ABLIM1: variants seen among roughly 807,000 people sequenced by gnomAD.
The protein encoded by ABLIM1 is actin-binding LIM protein 1.
A neutral mutation model predicts 107.0 loss-of-function variants in ABLIM1; 40 were observed. That is an observed-to-expected ratio of 0.37 (90% CI 0.29 to 0.49). ABLIM1 has a LOEUF of 0.49. Ranked by LOEUF, ABLIM1 falls within the 20% of genes least tolerant of loss-of-function variation. The pLI, the probability that ABLIM1 is intolerant of heterozygous loss-of-function variation, is 0.97. For missense variants in ABLIM1, 857 were observed against 1,008.5 expected, an observed-to-expected ratio of 0.85 and a Z score of 2.04; for synonymous variants, 357 against 357.3, an observed-to-expected ratio of 1.00 and a Z score of 0.01.
At chr10:114,582,190 C>CA (rs2073467186) in intron 2 of ABLIM1, among the ~76,000 whole-genome samples, 1 of 152,010 alleles carries the variant, frequency 6.6e-6, no homozygotes, top group African/African-American at 2.4e-5. Flanking sequence ...AATAAATATA[C>CA]AAAAACCAGT....
chr10:114,548,670 G>A (rs189893484), intron 4 of ABLIM1, among the ~76,000 whole-genome samples: 1 of 152,132 alleles, frequency 6.6e-6, no homozygotes, highest in Admixed American at 6.5e-5. Context: ...AGGGAAGTTG[G>A]GTATTAAAAA....
At chr10:114,457,114 G>A (rs113791285) in intron 12 of ABLIM1, among the ~76,000 whole-genome samples, 282 of 152,214 alleles carry the variant, frequency 1.9e-3, no homozygotes, top group African/African-American at 6.4e-3. Context: ...CGGGGAATAA[G>A]TTCTTGGAAT....
chr10:114,479,190 A>G (rs1290507084), intron 8 of ABLIM1, among the ~76,000 whole-genome samples: 2 of 152,222 alleles, frequency 1.3e-5, no homozygotes, highest in South Asian at 4.1e-4. Context: ...GAGGATGCAT[A>G]TAAAGCTCCA....
intron 1 of ABLIM1, among the ~76,000 whole-genome samples, chr10:114,615,400 G>C (rs2077069484): frequency 6.6e-6 from 1 of 152,062 alleles, no homozygotes; most frequent in Non-Finnish European, 1.5e-5. Flanking sequence ...ACACCCTCAA[G>C]CTTCTAGGTC....
At chr10:114,473,270 A>G (rs1219503231) in intron 9 of ABLIM1, 138 bp from the exon 10 acceptor site, 6 of 783,210 alleles carry the variant, frequency 7.7e-6, no homozygotes, top group Non-Finnish European at 1.2e-5. Flanking sequence ...TAACACAGTT[A>G]TACTCTTCAG....
intron 4 of ABLIM1, among the ~76,000 whole-genome samples, chr10:114,554,657 T>C (rs1196896268): frequency 2.6e-5 from 4 of 152,138 alleles, no homozygotes; most frequent in African/African-American, 9.7e-5. Context: ...AATCACGCTA[T>C]TGCACTTCAG....
intron 1 of ABLIM1, among the ~76,000 whole-genome samples, chr10:114,732,184 T>TC (rs200382208): frequency 1.6e-5 from 2 of 124,334 alleles, no homozygotes; most frequent in African/African-American, 7.2e-5. Context: ...TCTTTTCTTT[T>TC]TTTTTTTTTT....
chr10:114,530,433 A>T (rs971426981), intron 6 of ABLIM1, among the ~76,000 whole-genome samples: 1 of 152,234 alleles, frequency 6.6e-6, no homozygotes, highest in African/African-American at 2.4e-5. Context: ...AGGAGTTTAT[A>T]CTTAAACAGA....
At chr10:114,510,854 G>A (rs1275983009) in intron 6 of ABLIM1, among the ~76,000 whole-genome samples, 1 of 151,842 alleles carries the variant, frequency 6.6e-6, no homozygotes, top group Non-Finnish European at 1.5e-5. Flanking sequence ...GTTTCACCAT[G>A]TTGCCCAGGC....
At chr10:114,632,040 C>T in intron 1 of ABLIM1, 5 of 1,266,808 alleles carry the variant, frequency 3.9e-6, no homozygotes, top group Non-Finnish European at 5.1e-6. Flanking sequence ...CCCCGGCATC[C>T]GCTTGTGAGG....
chr10:114,799,464 G>A, the ABLIM1 span, among the ~76,000 whole-genome samples: 2 of 152,174 alleles, frequency 1.3e-5, no homozygotes, highest in African/African-American at 4.8e-5. Flanking sequence ...CTGACAGATT[G>A]AAAACAGAAC....
chr10:114,750,498 G>A (rs564001168), intron 1 of ABLIM1, among the ~76,000 whole-genome samples: 160 of 152,282 alleles, frequency 1.1e-3, no homozygotes, highest in African/African-American at 3.6e-3. Flanking sequence ...TCTCAACTGG[G>A]CTGAAGGTGG....
chr10:114,625,569 C>T (rs960094182), intron 1 of ABLIM1, among the ~76,000 whole-genome samples: 2 of 149,996 alleles, frequency 1.3e-5, no homozygotes, highest in Non-Finnish European at 3.0e-5. Context: ...TAGAAGAATT[C>T]GCAGAAGGGA....
At chr10:114,639,541 G>A (rs2078640240) in intron 1 of ABLIM1, among the ~76,000 whole-genome samples, 1 of 152,174 alleles carries the variant, frequency 6.6e-6, no homozygotes, top group South Asian at 2.1e-4. Flanking sequence ...TGGGCACATT[G>A]TTTTCTCTGT....
rs2080103260 is a variant in ABLIM1, at chr10:114,668,154, T to G, written c.64+16136A>C. Among the ~76,000 whole-genome samples the G allele has an allele frequency of 2.0e-5, 3 of 152,046 alleles. No individual in the cohort carries two copies. The South Asian group carries it at 6.2e-4, about 32-fold the overall frequency. On this transcript the variant is annotated intron_variant, in intron 1 of 23. Coordinates refer to the ABLIM1 transcript ENST00000369256. The stretch of plus-strand genomic sequence containing the variant: ...TTGGAAGAGCTGTTTCTACAAATAC[T>G]GAATAAAAAAATTGTACATGGGGAA...
At chr10:114,525,118 T>G (rs1049482332) in intron 6 of ABLIM1, among the ~76,000 whole-genome samples, 3 of 152,238 alleles carry the variant, frequency 2.0e-5, no homozygotes, top group African/African-American at 7.2e-5. Context: ...GAGGGAGTGC[T>G]ACTGTCGCCT....
intron 22 of ABLIM1, among the ~76,000 whole-genome samples, chr10:114,437,289 C>A (rs912020362): frequency 4.0e-5 from 6 of 151,662 alleles, no homozygotes; most frequent in Non-Finnish European, 5.9e-5. Flanking sequence ...TCTGTGTCTC[C>A]TGGGTCATTC....
At chr10:114,606,151 A>C (rs557869499) in intron 1 of ABLIM1, among the ~76,000 whole-genome samples, 1 of 152,340 alleles carries the variant, frequency 6.6e-6, no homozygotes, top group South Asian at 2.1e-4. Flanking sequence ...CAGAAACAGA[A>C]CATCTGGGAA....
chr10:114,524,675 T>C (rs767145516), intron 6 of ABLIM1, among the ~76,000 whole-genome samples: 3 of 152,190 alleles, frequency 2.0e-5, no homozygotes, highest in Non-Finnish European at 4.4e-5. Context: ...TAAGCTTCTT[T>C]TTAAAAAAAG....
Sources: gnomAD v4.1 joint callset for allele counts (sites outside exome capture counted in the v4.1 genomes callset) on GRCh38, gnomAD v4.1.1 for gene constraint, MANE v1.5 for transcripts, NCBI Gene and HGNC (gene_info 2026-07-23, HGNC 2026-07-21) for gene names.